The following SLCO1A2 variants were observed in gnomAD, a reference collection of about 807,000 sequenced individuals.
SLCO1A2 encodes the protein solute carrier organic anion transporter family member 1A2, also known as OATP-1.
SLCO1A2 carries 67 observed loss-of-function variants against 69.0 expected under a neutral mutation model. That is an observed-to-expected ratio of 0.97 (90% CI 0.80 to 1.19). The LOEUF (loss-of-function observed/expected upper bound fraction) is 1.19, where lower values mean the gene tolerates loss of function less well. Among genes scored for constraint, SLCO1A2 ranks in the 50% most tolerant of loss-of-function variants. The probability of loss-of-function intolerance (pLI) is 0.00; values close to 1 mark genes in which losing one functional copy is unlikely to be tolerated. For synonymous variants in SLCO1A2, 260 were observed against 265.9 expected (o/e 0.98, Z 0.22); for missense variants, 787 against 793.7 (o/e 0.99, Z 0.10).
intron 14 of SLCO1A2, among the ~76,000 whole-genome samples, chr12:21,271,655 ATGTGTATATAAACATATATACC>A (rs1942868080): frequency 8.2e-6 from 1 of 121,236 alleles, no homozygotes; most frequent in Non-Finnish European, 2.0e-5. Context: ...TTATATACAT[ATGTGTATATAAACATATATACC>A]TATGTGTATA....
At chr12:21,321,433 C>A (rs1290054508) in intron 2 of SLCO1A2, among the ~76,000 whole-genome samples, 2 of 152,186 alleles carry the variant, frequency 1.3e-5, no homozygotes, top group Non-Finnish European at 2.9e-5. Flanking sequence ...CTCTCTTTCA[C>A]ACGCCACCTC....
chr12:21,270,614 G>A (rs1942631741), intron 14 of SLCO1A2, among the ~76,000 whole-genome samples: 1 of 151,596 alleles, frequency 6.6e-6, no homozygotes, highest in Non-Finnish European at 1.5e-5. Flanking sequence ...AAAAATATCT[G>A]AACTTGGTAC....
intron 2 of SLCO1A2, among the ~76,000 whole-genome samples, chr12:21,357,380 AC>A (rs1938454339): frequency 6.6e-6 from 1 of 152,216 alleles, no homozygotes; most frequent in African/African-American, 2.4e-5. Flanking sequence ...TTGCCAGCAA[AC>A]TACCAGAAGC....
At position 21,266,531 on chromosome 12, in the gene SLCO1A2, T is replaced by C. The variant is rs1942082905; in HGVS notation, c.*3017A>G. The C allele has an allele frequency of 1.3e-5, 2 of 152,098 alleles. No individual in the cohort carries two copies. Among genetic ancestry groups the C allele is most frequent in the Admixed American group, 1.3e-4 (2 of 15,234 alleles). The allele number at this position is 152,098 out of a possible 1,614,324, so 9.4% of individuals were successfully genotyped here. On this transcript the variant is annotated 3_prime_UTR_variant, in exon 15 of 15. Transcript: ENST00000683939. Reference sequence around the variant, plus strand: ...ATGTAGATAAATAATATTTATTTCATAATAATAAATGATTCTGATGGCACT... The same window carrying C: ...ATGTAGATAAATAATATTTATTTCACAATAATAAATGATTCTGATGGCACT...
At chr12:21,285,116 TAATA>T (rs1434714009) in intron 12 of SLCO1A2, among the ~76,000 whole-genome samples, 13 of 131,536 alleles carry the variant, frequency 9.9e-5, no homozygotes, top group African/African-American at 3.7e-4. Flanking sequence ...CTAGCAAGAC[TAATA>T]AAGAAAAAAA....
intron 1 of SLCO1A2, among the ~76,000 whole-genome samples, chr12:21,391,746 A>T (rs1283347612): frequency 6.6e-6 from 1 of 151,858 alleles, no homozygotes; most frequent in Non-Finnish European, 1.5e-5. Flanking sequence ...AAAAGAAAAA[A>T]AAAAAAGCAA....
At chr12:21,342,378 T>C (rs1398143929) in intron 2 of SLCO1A2, among the ~76,000 whole-genome samples, 3 of 152,090 alleles carry the variant, frequency 2.0e-5, no homozygotes, top group African/African-American at 7.2e-5. Flanking sequence ...AACCTACTCT[T>C]ATTTCTTCCA....
chr12:21,286,096 T>A (rs576831245), intron 12 of SLCO1A2, among the ~76,000 whole-genome samples: 1,987 of 149,692 alleles, frequency 0.013, 41 homozygotes, highest in African/African-American at 0.047. Flanking sequence ...ACATGATTGT[T>A]TATCTAGAAA....
chr12:21,301,412 A>T (rs559610922), intron 6 of SLCO1A2, 143 bp from the exon 7 acceptor site: 27 of 466,690 alleles, frequency 5.8e-5, no homozygotes, highest in Non-Finnish European at 1.0e-4. Context: ...GTTAAGCTTG[A>T]TGTACATATA....
intron 13 of SLCO1A2, 51 bp from the exon 14 acceptor site, chr12:21,274,637 A>G: frequency 1.7e-6 from 2 of 1,168,092 alleles, no homozygotes. Context: ...AAGATACTTG[A>G]TTTATTTGGA....
At chr12:21,388,728 T>A (rs1321389388) in intron 1 of SLCO1A2, among the ~76,000 whole-genome samples, 2 of 152,162 alleles carry the variant, frequency 1.3e-5, no homozygotes, top group Non-Finnish European at 2.9e-5. Context: ...GACCAAAGCA[T>A]GAAATATTAA....
At chr12:21,328,893 T>C (rs181702171) in intron 2 of SLCO1A2, among the ~76,000 whole-genome samples, 3 of 152,324 alleles carry the variant, frequency 2.0e-5, no homozygotes, top group African/African-American at 7.2e-5. Flanking sequence ...ATATCCCAGT[T>C]ATAAAGACAG....
At chr12:21,415,922 T>C (rs1941980873) in intron 1 of SLCO1A2, among the ~76,000 whole-genome samples, 1 of 152,106 alleles carries the variant, frequency 6.6e-6, no homozygotes, top group Non-Finnish European at 1.5e-5. Context: ...TCTGGAGGAT[T>C]TTCTCCATCT....
intron 2 of SLCO1A2, among the ~76,000 whole-genome samples, chr12:21,345,599 C>T (rs1307738777): frequency 1.3e-5 from 2 of 152,062 alleles, no homozygotes; most frequent in Non-Finnish European, 2.9e-5. Flanking sequence ...ATTACATCAT[C>T]ATAGAAGCCA....
In SLCO1A2 at chr12:21,306,934, G is replaced by C. The variant is rs1289855176; in HGVS notation, c.390C>G (p.Phe130Leu). ...SVSGNLSSNS[F>L]LCMENGTQIL... ...TCTGGGTTCCATTTTCCATACACAA[G>C]AAACTGTTTGAGGACAAGTTGCCTG... Residue 130 changes from phenylalanine (F) to leucine (L), a missense_variant, in exon 5 of 15, where the codon TTC (phenylalanine) becomes TTG (leucine). Physicochemically the swap from Phe to Leu is conservative, Grantham distance 22. Transcript: ENST00000683939. 6.2e-7 allele frequency: 1 copy of C among 1,613,890 alleles called. No homozygotes were observed. Among genetic ancestry groups the C allele is most frequent in the East Asian group, 2.2e-5 (1 of 44,818 alleles).
At chr12:21,308,147 T>G (rs1949659288) in intron 4 of SLCO1A2, among the ~76,000 whole-genome samples, 1 of 152,186 alleles carries the variant, frequency 6.6e-6, no homozygotes, top group Non-Finnish European at 1.5e-5. Context: ...AAATATGTTT[T>G]GTTAATTTAT....
chr12:21,276,025 T>C (rs1471240102), intron 12 of SLCO1A2, among the ~76,000 whole-genome samples: 2 of 152,162 alleles, frequency 1.3e-5, no homozygotes, highest in Admixed American at 1.3e-4. Flanking sequence ...AAATTTTATA[T>C]AGTTCTTACT....
intron 2 of SLCO1A2, among the ~76,000 whole-genome samples, chr12:21,356,284 T>A (rs1010563253): frequency 6.6e-6 from 1 of 152,012 alleles, no homozygotes; most frequent in Non-Finnish European, 1.5e-5. Flanking sequence ...TAATTATCAT[T>A]ATTAATATGA....
chr12:21,406,066 T>A (rs1014552249), intron 1 of SLCO1A2, among the ~76,000 whole-genome samples: 11 of 152,258 alleles, frequency 7.2e-5, no homozygotes, highest in Admixed American at 2.0e-4. Flanking sequence ...ATGGATTTTG[T>A]CTGGTTGAAG....
Sources: gnomAD v4.1 joint callset for allele counts (sites outside exome capture counted in the v4.1 genomes callset) on GRCh38, gnomAD v4.1.1 for gene constraint, MANE v1.5 for transcripts, NCBI Gene and HGNC (gene_info 2026-07-23, HGNC 2026-07-21) for gene names.